Variants in NR3C1 observed in about 807,000 individuals in gnomAD.
NR3C1 encodes nuclear receptor subfamily 3 group C member 1, also known as glucocorticoid receptor.
NR3C1 carries 14 observed loss-of-function variants against 74.0 expected under a neutral mutation model. That is an observed-to-expected ratio of 0.19 (90% CI 0.12 to 0.30). The LOEUF (loss-of-function observed/expected upper bound fraction) is 0.30. Ranked by LOEUF, NR3C1 falls within the 10% of genes least tolerant of loss-of-function variation. The pLI is 1.00. For synonymous variants in NR3C1, 308 were observed against 332.5 expected (o/e 0.93, Z 0.80); for missense variants, 695 against 909.8 (o/e 0.76, Z 3.04).
chr5:143,334,348 C>T (rs528185359), intron 2 of NR3C1, among the ~76,000 whole-genome samples: 1 of 152,200 alleles, frequency 6.6e-6, no homozygotes, highest in Admixed American at 6.5e-5. Flanking sequence ...CGCCATTGCA[C>T]TCCAGCCTGG....
At position 143,369,768 on chromosome 5, in the gene NR3C1, T is replaced by C. The variant is rs114375157; in HGVS notation, c.1184+29888A>G. Among the ~76,000 whole-genome samples the C allele has an allele frequency of 5.6e-3, 847 of 152,130 alleles. 4 individuals carry two copies. The highest frequency in any genetic ancestry group is 7.8e-3 in the Non-Finnish European group (532 of 67,976). ...ATCAAAAATGTCAATAGTCCAGAGG[T>C]TGAGAAACTGTTCTACGGTGAAGTT... On this transcript the variant is annotated intron_variant, in intron 2 of 8. Coordinates refer to ENST00000394464, the MANE Select transcript of NR3C1 (RefSeq NM_000176.3).
intron 2 of NR3C1, among the ~76,000 whole-genome samples, chr5:143,381,574 T>C (rs1458025571): frequency 3.9e-5 from 6 of 152,012 alleles, no homozygotes; most frequent in South Asian, 2.1e-4. Context: ...CCAAACAACA[T>C]AGTTCTAGCA....
At chr5:143,409,127 G>A (rs141963909) in intron 1 of NR3C1, 1 of 152,340 alleles carries the variant, frequency 6.6e-6, no homozygotes, top group African/African-American at 2.4e-5. Flanking sequence ...AAGTGCAGAA[G>A]TGACCATGGT....
chr5:143,294,647 C>T (rs1256764588), intron 7 of NR3C1, among the ~76,000 whole-genome samples: 2 of 152,174 alleles, frequency 1.3e-5, no homozygotes, highest in Admixed American at 1.3e-4. Context: ...TTATCCCTCC[C>T]TTCCTTCTAA....
chr5:143,364,652 G>A (rs923003002), intron 2 of NR3C1, among the ~76,000 whole-genome samples: 1 of 152,116 alleles, frequency 6.6e-6, no homozygotes, highest in South Asian at 2.1e-4. Context: ...GTATACAGAG[G>A]CAAAGTTTTT....
upstream of NR3C1, chr5:143,403,930 C>T (rs888311568): frequency 1.0e-6 from 1 of 984,394 alleles, no homozygotes; most frequent in Non-Finnish European, 1.2e-6. Flanking sequence ...CGCGCTTCGC[C>T]CCCCGCCCCC....
At chr5:143,312,197 GC>G (rs1821129476) in intron 3 of NR3C1, among the ~76,000 whole-genome samples, 1 of 152,092 alleles carries the variant, frequency 6.6e-6, no homozygotes. Flanking sequence ...TCCCAAGATG[GC>G]CCCCAGTGAT....
In NR3C1 at chr5:143,343,027, A is replaced by G. The variant is rs1034897176; in HGVS notation, c.1185-28859T>C. Among the ~76,000 whole-genome samples, 5 of 152,224 alleles carry G rather than the reference A, an allele frequency of 3.3e-5. No individual in the cohort carries two copies. In the South Asian group the frequency reaches 8.3e-4, roughly 25 times the overall value. On this transcript the variant is annotated intron_variant, in intron 2 of 8. Coordinates refer to ENST00000394464, the MANE Select transcript of NR3C1 (RefSeq NM_000176.3). ...AGAAGATGACAAAAAAATATACTAA[A>G]TAACACTAGAAAACACTGTCCAACC...
chr5:143,366,205 T>G (rs1833141912), intron 2 of NR3C1, among the ~76,000 whole-genome samples: 1 of 151,354 alleles, frequency 6.6e-6, no homozygotes, highest in Admixed American at 6.6e-5. Flanking sequence ...ATAGAGTAGG[T>G]CAACAAAAAT....
intron 2 of NR3C1, among the ~76,000 whole-genome samples, chr5:143,330,329 A>G (rs894056050): frequency 6.6e-6 from 1 of 152,220 alleles, no homozygotes; most frequent in Non-Finnish European, 1.5e-5. Context: ...CTACTGTTGT[A>G]GTGGGAGATG....
At chr5:143,345,476 C>A (rs1253617438) in intron 2 of NR3C1, among the ~76,000 whole-genome samples, 1 of 152,180 alleles carries the variant, frequency 6.6e-6, no homozygotes, top group Non-Finnish European at 1.5e-5. Context: ...TCCCAAAGTG[C>A]CGGGATTACA....
chr5:143,408,888 A>G (rs768012255), intron 1 of NR3C1: 13 of 152,210 alleles, frequency 8.5e-5, no homozygotes, highest in Non-Finnish European at 1.5e-4. Flanking sequence ...GTCTTTTAAA[A>G]TTGTCTTACA....
chr5:143,282,130 T>C, intron 8 of NR3C1, 89 bp from the exon 9 acceptor site: 2 of 1,409,786 alleles, frequency 1.4e-6, no homozygotes, highest in East Asian at 2.3e-5. Flanking sequence ...GAAAAAATTA[T>C]CTGGCCTAGA....
chr5:143,431,596 T>C lies in NR3C1; in HGVS notation c.-14+2936A>G, dbSNP rs1032045755. ...GGTTGATAGGTGCAGCAAGCCACCA[T>C]GGCACATGCATACCTGTGTAACAAA... is the stretch of plus-strand genomic sequence containing the variant. On this transcript the variant is annotated intron_variant, in intron 1 of 8. Coordinates refer to the NR3C1 transcript ENST00000343796. 3.9e-5 allele frequency among the ~76,000 whole-genome samples: 6 copies of C among 152,150 alleles called. No individual in the cohort carries two copies. The East Asian group carries it at 1.2e-3, about 29-fold the overall frequency.
chr5:143,286,256 T>C (rs1814452833), intron 7 of NR3C1, among the ~76,000 whole-genome samples: 1 of 152,162 alleles, frequency 6.6e-6, no homozygotes, highest in African/African-American at 2.4e-5. Context: ...ACAGCTTCAC[T>C]GCTGAGTTTT....
chr5:143,322,692 T>C (rs1382041169), intron 2 of NR3C1, among the ~76,000 whole-genome samples: 2 of 152,220 alleles, frequency 1.3e-5, no homozygotes, highest in Non-Finnish European at 2.9e-5. Context: ...GTTGTGTCTA[T>C]ATTCATATCA....
At chr5:143,311,721 T>C (rs1427472707) in intron 3 of NR3C1, among the ~76,000 whole-genome samples, 3 of 152,086 alleles carry the variant, frequency 2.0e-5, no homozygotes, top group Non-Finnish European at 4.4e-5. Context: ...TCATAGCTCT[T>C]TGCAGCCTGA....
chr5:143,302,018 T>C (rs1252640013), intron 4 of NR3C1, among the ~76,000 whole-genome samples: 2 of 152,100 alleles, frequency 1.3e-5, no homozygotes, highest in Non-Finnish European at 2.9e-5. Context: ...TTTACCATGC[T>C]CTCTTGGAGG....
intron 1 of NR3C1, among the ~76,000 whole-genome samples, chr5:143,402,972 A>T (rs61759019): frequency 4.3e-4 from 66 of 151,922 alleles, no homozygotes; most frequent in African/African-American, 1.4e-3. Flanking sequence ...GTCCGAGGTC[A>T]GGTTCCTCCC....
Sources: gnomAD v4.1 joint callset for allele counts (sites outside exome capture counted in the v4.1 genomes callset) on GRCh38, gnomAD v4.1.1 for gene constraint, MANE v1.5 for transcripts, NCBI Gene and HGNC (gene_info 2026-07-23, HGNC 2026-07-21) for gene names.